Variants in BANK1 observed in about 807,000 individuals in gnomAD.
BANK1 encodes B cell scaffold protein with ankyrin repeats 1, also known as B-cell scaffold protein with ankyrin repeats.
BANK1 carries 95 observed loss-of-function variants against 94.5 expected under a neutral mutation model. The observed-to-expected ratio is 1.00, with a 90% CI of 0.85 to 1.19. BANK1 has a LOEUF of 1.19. Ranked by LOEUF, BANK1 falls within the 50% of genes most tolerant of loss-of-function variation. BANK1 has a pLI of 0.00. For missense variants in BANK1, 987 were observed against 932.2 expected, an observed-to-expected ratio of 1.06 and a Z score of -0.77; for synonymous variants, 334 against 308.4, an observed-to-expected ratio of 1.08 and a Z score of -0.87.
At position 101,989,422 on chromosome 4, in the gene BANK1, A is replaced by T. The variant is rs193061594; in HGVS notation, c.1207-32092A>T. On this transcript the variant is annotated intron_variant, in intron 7 of 16. Coordinates refer to ENST00000322953, the MANE Select transcript of BANK1 (RefSeq NM_017935.5). Reference sequence around the variant, plus strand: ...CTCCAGCCTGGGGTACAAGAGCAAGACTCCGTCTCAAAAAAAAAAAAAAAA... The same window carrying T: ...CTCCAGCCTGGGGTACAAGAGCAAGTCTCCGTCTCAAAAAAAAAAAAAAAA... 5.8e-3 allele frequency among the ~76,000 whole-genome samples: 761 copies of T among 130,156 alleles called. 8 individuals are homozygous for T. The highest frequency in any genetic ancestry group is 0.021 in the African/African-American group (702 of 33,586). The allele number at this position is 130,156 out of a possible 152,430, so 85.4% of individuals were successfully genotyped here.
intron 7 of BANK1, among the ~76,000 whole-genome samples, chr4:101,940,557 T>C (rs569542136): frequency 1.3e-5 from 2 of 151,944 alleles, no homozygotes; most frequent in African/African-American, 4.8e-5. Context: ...TGTCATTATC[T>C]CTTTACACTC....
intron 12 of BANK1, 134 bp from the exon 13 acceptor site, chr4:102,062,941 G>A (rs896081674): frequency 1.3e-4 from 82 of 637,032 alleles, no homozygotes; most frequent in Admixed American, 6.8e-4. Context: ...TATCAAGGAT[G>A]GCAATTGAGA....
intron 1 of BANK1, among the ~76,000 whole-genome samples, chr4:101,807,936 T>C (rs1473929381): frequency 6.7e-6 from 1 of 150,214 alleles, no homozygotes; most frequent in Non-Finnish European, 1.5e-5. Flanking sequence ...AAAAAAAAAA[T>C]TAGCTGGCTG....
intron 1 of BANK1, among the ~76,000 whole-genome samples, chr4:101,806,619 A>T (rs1170061071): frequency 6.6e-6 from 1 of 152,198 alleles, no homozygotes; most frequent in Non-Finnish European, 1.5e-5. Context: ...ATTATCCATG[A>T]GAATACTTGG....
At chr4:101,941,133 A>G (rs759402101) in intron 7 of BANK1, among the ~76,000 whole-genome samples, 1 of 151,564 alleles carries the variant, frequency 6.6e-6, no homozygotes, top group Non-Finnish European at 1.5e-5. Flanking sequence ...AAATTATTCC[A>G]GCTTTGGCCA....
rs117485338 is a variant in BANK1 at position 101,983,046 on chromosome 4, G to C, written c.1207-38468G>C. ...TTTTTATGCTATCATTTCCCAAGGCGCAGTATAACTATCCCCTAACAAATT... is the reference window on the plus strand; with the variant it reads ...TTTTTATGCTATCATTTCCCAAGGCCCAGTATAACTATCCCCTAACAAATT... On this transcript the variant is annotated intron_variant, in intron 7 of 16. Transcript: ENST00000322953. 2.9e-3 allele frequency among the ~76,000 whole-genome samples: 443 copies of C among 151,896 alleles called. 13 individuals carry two copies. In the East Asian group the frequency reaches 0.067, roughly 23 times the overall value.
At position 101,987,477 on chromosome 4, in the gene BANK1, T is replaced by C. The variant is rs142740969; in HGVS notation, c.1207-34037T>C. Among the ~76,000 whole-genome samples, 545 of 152,290 alleles carry C rather than the reference T, an allele frequency of 3.6e-3. 5 individuals carry two copies. Among genetic ancestry groups the C allele is most frequent in the African/African-American group, 0.012 (508 of 41,584 alleles). On this transcript the variant is annotated intron_variant, in intron 7 of 16. Transcript: ENST00000322953. ...TAACCACCCAGTATACTCCCTCTTA[T>C]TTTTCATATATTTTGATATACTCAT...
At chr4:101,986,117 T>A (rs988761494) in intron 7 of BANK1, among the ~76,000 whole-genome samples, 2 of 152,092 alleles carry the variant, frequency 1.3e-5, no homozygotes, top group African/African-American at 4.8e-5. Context: ...AAACAAGTAA[T>A]TTAAAGTGCT....
At chr4:101,948,847 G>A (rs772304718) in intron 7 of BANK1, among the ~76,000 whole-genome samples, 1 of 152,032 alleles carries the variant, frequency 6.6e-6, no homozygotes, top group Non-Finnish European at 1.5e-5. Flanking sequence ...TCCTGTATTG[G>A]TATCTGACAC....
chr4:101,920,677 C>A (rs1220077725), intron 7 of BANK1, among the ~76,000 whole-genome samples: 1 of 151,894 alleles, frequency 6.6e-6, no homozygotes, highest in Non-Finnish European at 1.5e-5. Context: ...TTTTTAAATT[C>A]CAACATATTT....
At chr4:102,024,833 G>A (rs556774264) in intron 8 of BANK1, among the ~76,000 whole-genome samples, 7 of 151,506 alleles carry the variant, frequency 4.6e-5, no homozygotes, top group Non-Finnish European at 7.4e-5. Context: ...TTTTCTTTAC[G>A]TTTTCCATCA....
intron 7 of BANK1, among the ~76,000 whole-genome samples, chr4:101,994,948 G>GCC (rs1725827432): frequency 6.6e-6 from 1 of 151,846 alleles, no homozygotes; most frequent in Non-Finnish European, 1.5e-5. Context: ...TTTTGATATT[G>GCC]CCTCTTTTTT....
intron 10 of BANK1, among the ~76,000 whole-genome samples, chr4:102,038,629 C>T (rs1727601566): frequency 6.6e-6 from 1 of 152,088 alleles, no homozygotes; most frequent in East Asian, 1.9e-4. Context: ...AACGCATTGC[C>T]ATGGTCTCAA....
intron 7 of BANK1, among the ~76,000 whole-genome samples, chr4:101,936,279 A>G (rs771437789): frequency 1.6e-4 from 24 of 150,282 alleles, no homozygotes; most frequent in African/African-American, 5.6e-4. Context: ...ATACATGTAT[A>G]TGTACACATA....
intron 7 of BANK1, among the ~76,000 whole-genome samples, chr4:101,935,268 A>G (rs1205360493): frequency 6.6e-6 from 1 of 151,604 alleles, no homozygotes; most frequent in Admixed American, 6.6e-5. Context: ...CAATGAAAAA[A>G]GTTATAAGAA....
intron 1 of BANK1, among the ~76,000 whole-genome samples, chr4:101,794,478 A>C (rs559322126): frequency 6.6e-6 from 1 of 152,170 alleles, no homozygotes; most frequent in Non-Finnish European, 1.5e-5. Flanking sequence ...AATATAGAGT[A>C]TCTTGCAGTA....
rs938434218 is a variant in BANK1, at chr4:101,969,236, C to CT, written c.1206+51055dup. The stretch of plus-strand genomic sequence containing the variant: ...CTTGAAGAAATGGAAAAGCAAAGAT[C>CT]TTTTTTTTAAAAAAATCAAACTAGA... On this transcript the variant is annotated intron_variant, in intron 7 of 16. Coordinates refer to ENST00000322953, the MANE Select transcript of BANK1 (RefSeq NM_017935.5). 3.3e-5 allele frequency among the ~76,000 whole-genome samples: 5 copies of CT among 151,934 alleles called. 1 individual carries two copies. In the South Asian group the frequency reaches 6.2e-4, roughly 19 times the overall value.
chr4:101,909,553 C>CAA (rs930361178), intron 6 of BANK1, among the ~76,000 whole-genome samples: 9 of 151,842 alleles, frequency 5.9e-5, no homozygotes, highest in African/African-American at 1.2e-4. Flanking sequence ...CACACACACA[C>CAA]AAAAAAATGC....
rs1286187474 is a variant in BANK1 at position 101,870,644 on chromosome 4, G to C, written c.903G>C (p.Gln301His). 1 of 1,608,448 alleles carries C rather than the reference G, an allele frequency of 6.2e-7. No individual in the cohort carries two copies. The highest frequency in any genetic ancestry group is 1.1e-5 in the South Asian group (1 of 90,200). Reference protein sequence around the residue: ...RMADSGESLCQNSIEELDGVL... With the variant: ...RMADSGESLCHNSIEELDGVL... ...CAGATTCAGGAGAGAGTTTGTGCCA[G>C]GTAAGTTAATCTTTCCACGAAGTTA... The change falls in exon 5 of 17, where the codon CAG becomes CAC. Residue 301 changes from glutamine (Q) to histidine (H), a missense_variant and splice_region_variant. By Grantham distance (24) the Gln-to-His change is conservative. Transcript: ENST00000322953.
Sources: allele counts gnomAD v4.1 joint callset (sites outside exome capture counted in the v4.1 genomes callset), GRCh38; gene constraint gnomAD v4.1.1; transcripts MANE v1.5; gene names NCBI Gene and HGNC (gene_info 2026-07-23, HGNC 2026-07-21).